Variants in SLC4A1AP observed in about 807,000 individuals in gnomAD.
SLC4A1AP encodes kanadaptin.
A neutral mutation model predicts 89.7 loss-of-function variants in SLC4A1AP; 64 were observed. The ratio of observed to expected loss-of-function variants is 0.71; its 90% CI spans 0.58 to 0.88. The LOEUF (loss-of-function observed/expected upper bound fraction) is 0.88. SLC4A1AP is among the 40% of genes least tolerant of loss of function. The probability of loss-of-function intolerance (pLI) is 0.00; values close to 1 mark genes in which losing one functional copy is unlikely to be tolerated. For missense variants in SLC4A1AP, 931 were observed against 965.0 expected (o/e 0.96, Z 0.47); for synonymous variants, 366 against 353.3 (o/e 1.04, Z -0.40).
In SLC4A1AP at chr2:27,683,279, C is replaced by T. The variant is rs560277583; in HGVS notation, c.1875+920C>T. Among the ~76,000 whole-genome samples the T allele has an allele frequency of 2.0e-5, 3 of 152,302 alleles. No homozygotes were observed. In the South Asian group the frequency reaches 6.2e-4, roughly 32 times the overall value. On this transcript the variant is annotated intron_variant, in intron 9 of 13. Coordinates refer to ENST00000613058, the Ensembl canonical transcript of SLC4A1AP. Reference sequence around the variant, plus strand: ...TTTTTGCTTTATCTATATTCCTATTCATAGATTCAGCTTTTAAAAGGTTTT... The same window carrying T: ...TTTTTGCTTTATCTATATTCCTATTTATAGATTCAGCTTTTAAAAGGTTTT...
chr2:27,674,133 T>G (rs749434138), intron 5 of SLC4A1AP, among the ~76,000 whole-genome samples: 28 of 152,120 alleles, frequency 1.8e-4, no homozygotes, highest in Non-Finnish European at 1.6e-4. Flanking sequence ...CTTAACAGTC[T>G]CTCACTTTAA....
intron 8 of SLC4A1AP, among the ~76,000 whole-genome samples, chr2:27,678,171 T>C (rs1397721817): frequency 1.3e-5 from 2 of 152,052 alleles, no homozygotes; most frequent in African/African-American, 4.8e-5. Flanking sequence ...GGTTCCGAAG[T>C]TTTTTTTACT....
intron 6 of SLC4A1AP, among the ~76,000 whole-genome samples, chr2:27,677,064 G>C (rs1270334437): frequency 6.6e-6 from 1 of 152,100 alleles, no homozygotes; most frequent in East Asian, 1.9e-4. Context: ...GCTTGAACCC[G>C]GGAGTCGGAG....
chr2:27,663,895 C>G, exon 1 of SLC4A1AP: 1 of 1,614,102 alleles, frequency 6.2e-7, no homozygotes, highest in Non-Finnish European at 8.5e-7. Context: ...GAGCGGATTT[C>G]GAAGTTGCAC....
At chr2:27,694,634 G>C in exon 14 of SLC4A1AP, 1 of 1,571,114 alleles carries the variant, frequency 6.4e-7, no homozygotes, top group Non-Finnish European at 8.7e-7. Context: ...TCTGATCTAG[G>C]TCAAAGTGGA....
At chr2:27,690,803 C>G (rs1675776888) in intron 12 of SLC4A1AP, among the ~76,000 whole-genome samples, 1 of 152,092 alleles carries the variant, frequency 6.6e-6, no homozygotes, top group South Asian at 2.1e-4. Context: ...GTTTTTAATT[C>G]TGTTGCTGTG....
chr2:27,670,065 G>A (rs1331139300), intron 5 of SLC4A1AP, among the ~76,000 whole-genome samples: 3 of 152,132 alleles, frequency 2.0e-5, no homozygotes. Flanking sequence ...GTTTCTCCAT[G>A]TTGGTTAGGC....
At chr2:27,694,545 A>G (rs1233085471) in intron 13 of SLC4A1AP, 89 bp from the exon 14 acceptor site, 7 of 928,852 alleles carry the variant, frequency 7.5e-6, no homozygotes, top group African/African-American at 3.4e-5. Context: ...TGTCTATTTT[A>G]CTTTTTGGCC....
At chr2:27,681,941 A>G (rs576197805) in intron 8 of SLC4A1AP, among the ~76,000 whole-genome samples, 7 of 152,064 alleles carry the variant, frequency 4.6e-5, no homozygotes, top group Non-Finnish European at 7.4e-5. Context: ...TGCTGCTTAT[A>G]TGTTCTCCTT....
chr2:27,686,115 C>T (rs1025364896), intron 10 of SLC4A1AP, among the ~76,000 whole-genome samples: 2 of 152,188 alleles, frequency 1.3e-5, no homozygotes, highest in African/African-American at 4.8e-5. Context: ...TAAAAACTGG[C>T]ACTGAATGTA....
chr2:27,664,335 T>G (rs1675263205), exon 1 of SLC4A1AP: 2 of 1,614,198 alleles, frequency 1.2e-6, no homozygotes, highest in Non-Finnish European at 1.7e-6. Flanking sequence ...CGGGAGGCTG[T>G]CTGGCTGCGA....
At chr2:27,675,788 G>A in intron 6 of SLC4A1AP, 96 bp downstream of exon 6, 1 of 835,948 alleles carries the variant, frequency 1.2e-6, no homozygotes. Context: ...AATTTTTAAA[G>A]TAGTAGCATT....
rs1048026549 is a variant in SLC4A1AP at position 27,688,574 on chromosome 2, G to T, written c.2204-126G>T. The stretch of plus-strand genomic sequence containing the variant: ...AGTTTTTACAGCAGTAGAAGGAATT[G>T]TTGAGAATTGCATTGTCATGAGCAT... On this transcript the variant is annotated intron_variant, in intron 11 of 13. Coordinates refer to ENST00000613058, the Ensembl canonical transcript of SLC4A1AP. 4.6e-6 allele frequency: 3 copies of T among 649,640 alleles called. No homozygotes were observed. The African/African-American group carries it at 5.7e-5, about 12-fold the overall frequency. 40.2% of individuals were successfully genotyped at this position (649,640 alleles called of 1,614,324 possible). A position where few individuals can be genotyped will look rare whatever the true frequency, so the allele number is the denominator to read the frequency against.
intron 5 of SLC4A1AP, among the ~76,000 whole-genome samples, chr2:27,670,921 T>C (rs1675418001): frequency 7.0e-6 from 1 of 142,948 alleles, no homozygotes; most frequent in South Asian, 2.2e-4. Context: ...TCTTTTCTTT[T>C]CTTTTTTTTT....
In SLC4A1AP at chr2:27,693,562, A is replaced by G. The variant is rs866495336; in HGVS notation, c.2272-123A>G. The G allele has an allele frequency of 3.4e-5, 22 of 648,318 alleles. No homozygotes were observed. The South Asian group carries it at 4.8e-4, about 14-fold the overall frequency. The allele number at this position is 648,318 out of a possible 1,614,324, so 40.2% of individuals were successfully genotyped here. A position where few individuals can be genotyped will look rare whatever the true frequency, so the allele number is the denominator to read the frequency against. ...ATGAAACTTAGTTTTGTTGGATACA[A>G]AATTCTTGACTAATGTTTATTCTGC... On this transcript the variant is annotated intron_variant, in intron 12 of 13. Transcript: ENST00000613058.
rs1489349852 is a variant in SLC4A1AP at position 27,682,462 on chromosome 2, A to G, written c.1875+103A>G. 4.5e-6 allele frequency: 3 copies of G among 663,216 alleles called. No individual in the cohort carries two copies. The South Asian group carries it at 5.7e-5, about 13-fold the overall frequency. 41.1% of individuals were successfully genotyped at this position (663,216 alleles called of 1,614,324 possible). A position where few individuals can be genotyped will look rare whatever the true frequency, so the allele number is the denominator to read the frequency against. On this transcript the variant is annotated intron_variant, in intron 9 of 13. Coordinates refer to ENST00000613058, the Ensembl canonical transcript of SLC4A1AP. The stretch of plus-strand genomic sequence containing the variant: ...ACTACAAATGACTCATTCCATAGTA[A>G]TGTGAGAAAGGGCTGTGGGCTTGGT...
intron 5 of SLC4A1AP, among the ~76,000 whole-genome samples, chr2:27,672,564 T>C (rs1488415947): frequency 2.6e-5 from 4 of 152,196 alleles, no homozygotes; most frequent in African/African-American, 9.6e-5. Context: ...CTCTCTGTTT[T>C]CTCCATGTTA....
intron 2 of SLC4A1AP, among the ~76,000 whole-genome samples, chr2:27,665,512 A>G (rs953785415): frequency 6.6e-6 from 1 of 152,162 alleles, no homozygotes; most frequent in Non-Finnish European, 1.5e-5. Context: ...TTAAAAATTT[A>G]TTTTTAATGC....
chr2:27,688,471 G>C (rs1675740544), intron 11 of SLC4A1AP, among the ~76,000 whole-genome samples: 1 of 152,108 alleles, frequency 6.6e-6, no homozygotes, highest in Non-Finnish European at 1.5e-5. Context: ...GCATAATGTG[G>C]TTATATTCAA....
Sources: allele counts gnomAD v4.1 joint callset (sites outside exome capture counted in the v4.1 genomes callset), GRCh38; gene constraint gnomAD v4.1.1; transcripts MANE v1.5; gene names NCBI Gene and HGNC (gene_info 2026-07-23, HGNC 2026-07-21).